Variants in ADGRF5 observed in about 807,000 individuals in gnomAD.
The protein encoded by ADGRF5 is G-protein coupled receptor 116.
In ADGRF5, 75 loss-of-function variants were observed where a neutral mutation model predicts 132.3. The ratio of observed to expected loss-of-function variants is 0.57; its 90% confidence interval spans 0.47 to 0.69. The LOEUF (loss-of-function observed/expected upper bound fraction) is 0.69. ADGRF5 is among the 30% of genes least tolerant of loss of function. The probability of loss-of-function intolerance (pLI) is 0.00; values close to 1 mark genes in which losing one functional copy is unlikely to be tolerated. For missense variants in ADGRF5, 1,516 were observed against 1,630.6 expected (o/e 0.93, Z 1.21); for synonymous variants, 629 against 597.6 (o/e 1.05, Z -0.77).
At chr6:46,897,329 A>G (rs551922931) in intron 3 of ADGRF5, among the ~76,000 whole-genome samples, 1 of 152,252 alleles carries the variant, frequency 6.6e-6, no homozygotes, top group South Asian at 2.1e-4. Flanking sequence ...ACTCAAAAAA[A>G]AAAGAAAAAA....
At position 46,859,825 on chromosome 6, in the gene ADGRF5, T is replaced by TTTTATTTTAC. The variant is rs1328699863; in HGVS notation, c.2380-303_2380-302insGTAAAATAAA. Among the ~76,000 whole-genome samples the TTTTATTTTAC allele has an allele frequency of 7.2e-3, 1,083 of 151,356 alleles. 13 individuals are homozygous for TTTTATTTTAC. The highest frequency in any genetic ancestry group is 0.023 in the African/African-American group (961 of 41,204). The stretch of plus-strand genomic sequence containing the variant: ...GCTGGCAGGGATATTTACTATTTTA[T>TTTTATTTTAC]TTTATTTTATTTTATTTTATTTTAA... On this transcript the variant is annotated intron_variant, in intron 16 of 20. Coordinates refer to ENST00000283296, the MANE Select transcript of ADGRF5 (RefSeq NM_001098518.2).
At chr6:46,915,091 A>C (rs1010768963) in intron 1 of ADGRF5, among the ~76,000 whole-genome samples, 4 of 151,760 alleles carry the variant, frequency 2.6e-5, no homozygotes, top group Admixed American at 2.0e-4. Context: ...CCTGACCTCA[A>C]GTGATCCGCC....
intron 1 of ADGRF5, among the ~76,000 whole-genome samples, chr6:46,919,784 G>A (rs1776753700): frequency 6.6e-6 from 1 of 152,172 alleles, no homozygotes; most frequent in Admixed American, 6.5e-5. Flanking sequence ...TATAGTTTGG[G>A]GTGGAGAAAC....
chr6:46,877,632 A>G (rs1410198955), intron 10 of ADGRF5, among the ~76,000 whole-genome samples: 1 of 152,096 alleles, frequency 6.6e-6, no homozygotes, highest in Non-Finnish European at 1.5e-5. Context: ...TTTAGGTAAG[A>G]TTTCAGATTG....
Position 46,900,145 on chromosome 6 carries a change from C to A in ADGRF5, c.103-62G>T. 2.5e-6 allele frequency: 3 copies of A among 1,216,010 alleles called. No individual in the cohort carries two copies. The Admixed American group carries it at 5.4e-5, about 22-fold the overall frequency. 75.3% of individuals were successfully genotyped at this position (1,216,010 alleles called of 1,614,324 possible). The stretch of plus-strand genomic sequence containing the variant: ...TAGAGAAGTCTTTTCACTGTGGCTC[C>A]CCGCTTAGATACCCCTAAATGTTGG... On this transcript the variant is annotated intron_variant, in intron 2 of 20. Transcript: ENST00000283296.
chr6:46,880,312 T>C (rs1352981094), intron 8 of ADGRF5, among the ~76,000 whole-genome samples: 2 of 151,738 alleles, frequency 1.3e-5, no homozygotes, highest in Non-Finnish European at 2.9e-5. Flanking sequence ...TTTAAAGCTA[T>C]TTTCAATATT....
chr6:46,880,815 G>T (rs906059509), intron 8 of ADGRF5, among the ~76,000 whole-genome samples: 2 of 152,248 alleles, frequency 1.3e-5, no homozygotes, highest in African/African-American at 4.8e-5. Context: ...ACACAGCCAG[G>T]CATGGTGGCT....
At chr6:46,855,072 G>C (rs1396828222) in intron 20 of ADGRF5, among the ~76,000 whole-genome samples, 1 of 152,224 alleles carries the variant, frequency 6.6e-6, no homozygotes, top group African/African-American at 2.4e-5. Context: ...CTGTGAGGAA[G>C]GGATGATGGC....
chr6:46,860,931 C>T (rs559312414), intron 15 of ADGRF5, 37 bp from the exon 16 acceptor site: 5 of 1,537,130 alleles, frequency 3.3e-6, no homozygotes, highest in African/African-American at 2.8e-5. Flanking sequence ...AAAAATTTAC[C>T]AATCAATTCA....
At chr6:46,938,874 T>A (rs1561837046) in intron 1 of ADGRF5, among the ~76,000 whole-genome samples, 1 of 80,076 alleles carries the variant, frequency 1.2e-5, no homozygotes, top group South Asian at 4.0e-4. Context: ...TCTACTTTTC[T>A]GATTTTTTTT....
At chr6:46,943,121 A>G (rs1778160035) in intron 1 of ADGRF5, among the ~76,000 whole-genome samples, 1 of 152,094 alleles carries the variant, frequency 6.6e-6, no homozygotes, top group African/African-American at 2.4e-5. Flanking sequence ...TGGATTTAGA[A>G]ATTTACATCA....
chr6:46,902,170 C>T (rs149818265), intron 2 of ADGRF5, among the ~76,000 whole-genome samples: 2 of 152,242 alleles, frequency 1.3e-5, no homozygotes, highest in African/African-American at 4.8e-5. Flanking sequence ...TCCAGCCCAG[C>T]TTCCCTTGGA....
At chr6:46,939,604 G>T (rs139079004) in intron 1 of ADGRF5, among the ~76,000 whole-genome samples, 2 of 151,988 alleles carry the variant, frequency 1.3e-5, no homozygotes, top group Non-Finnish European at 2.9e-5. Flanking sequence ...ATTTTTAGTA[G>T]CTTCCTTTTG....
At chr6:46,947,110 A>G (rs1382631185) in intron 1 of ADGRF5, among the ~76,000 whole-genome samples, 3 of 152,224 alleles carry the variant, frequency 2.0e-5, no homozygotes, top group Admixed American at 1.3e-4. Context: ...AGTACCTAGT[A>G]GAGTTCAGAC....
chr6:46,859,228 T>C lies in ADGRF5; in HGVS notation c.2675A>G (p.Gln892Arg). 1 of 1,614,168 alleles carries C rather than the reference T, an allele frequency of 6.2e-7. No individual in the cohort carries two copies. The highest frequency in any genetic ancestry group is 8.5e-7 in the Non-Finnish European group (1 of 1,180,012). Residue 892 changes from glutamine (Q) to arginine (R), a missense_variant, in exon 17 of 21, where the codon CAG becomes CGG. Coordinates refer to ENST00000283296, the MANE Select transcript of ADGRF5 (RefSeq NM_001098518.2). The stretch of plus-strand genomic sequence containing the variant: ...CATGGTGACAATAGACGAATCCGAC[T>C]GCAAGTTTTCTAGATAGCTCTTGTC... The part of the protein sequence containing the change: ...VIDKSYLENL[Q>R]SDSSIVTMAF...
chr6:46,946,156 T>C (rs10807346), intron 1 of ADGRF5, among the ~76,000 whole-genome samples: 77,862 of 151,952 alleles, frequency 0.51, 21,095 homozygotes, highest in East Asian at 0.64. Context: ...CTGGCCCCGG[T>C]TATAGCCATT....
At chr6:46,906,957 T>C (rs1775444240) in intron 1 of ADGRF5, among the ~76,000 whole-genome samples, 171 bp from the exon 2 acceptor site, 1 of 152,198 alleles carries the variant, frequency 6.6e-6, no homozygotes, top group South Asian at 2.1e-4. Flanking sequence ...CCCAGACCTT[T>C]GGGTGAAGAA....
chr6:46,939,470 CTG>C (rs1349545539), intron 1 of ADGRF5, among the ~76,000 whole-genome samples: 1 of 152,150 alleles, frequency 6.6e-6, no homozygotes, highest in Non-Finnish European at 1.5e-5. Context: ...CAACTAAAAT[CTG>C]TGTGTGAAAA....
intron 11 of ADGRF5, among the ~76,000 whole-genome samples, chr6:46,869,666 A>T (rs534390066): frequency 6.6e-6 from 1 of 152,302 alleles, no homozygotes; most frequent in Non-Finnish European, 1.5e-5. Context: ...AATAAGTGAA[A>T]GAGTGAATTC....
Sources: allele counts gnomAD v4.1 joint callset (sites outside exome capture counted in the v4.1 genomes callset), GRCh38; gene constraint gnomAD v4.1.1; transcripts MANE v1.5; gene names NCBI Gene and HGNC (gene_info 2026-07-23, HGNC 2026-07-21).